ZFHX3: variants seen among roughly 807,000 people sequenced by gnomAD.
ZFHX3 encodes the protein zinc finger homeobox 3, also known as zinc finger homeobox protein 3.
In ZFHX3, 42 loss-of-function variants were observed where a neutral mutation model predicts 279.1. The ratio of observed to expected loss-of-function variants is 0.15; its 90% confidence interval spans 0.12 to 0.19. The LOEUF (loss-of-function observed/expected upper bound fraction) is 0.19. ZFHX3 is among the 10% of genes least tolerant of loss of function. The pLI is 1.00. For missense variants in ZFHX3, 4,981 were observed against 4,754.0 expected, an observed-to-expected ratio of 1.05 and a Z score of -1.40; for synonymous variants, 2,293 against 1,957.8, an observed-to-expected ratio of 1.17 and a Z score of -4.52.
intron 2 of ZFHX3, among the ~76,000 whole-genome samples, chr16:73,661,173 G>A (rs530544034): frequency 6.6e-6 from 1 of 152,304 alleles, no homozygotes; most frequent in Admixed American, 6.5e-5. Context: ...CCGGTTTCTT[G>A]TGTGAGTTCC....
intron 3 of ZFHX3, among the ~76,000 whole-genome samples, chr16:73,410,931 AGC>A (rs1454807455): frequency 3.3e-5 from 5 of 152,238 alleles, no homozygotes; most frequent in African/African-American, 1.2e-4. Context: ...GCAGAACTAC[AGC>A]CCAGCACCGA....
At chr16:73,581,238 A>G (rs1021616817) in intron 2 of ZFHX3, among the ~76,000 whole-genome samples, 2 of 151,912 alleles carry the variant, frequency 1.3e-5, no homozygotes, top group Admixed American at 6.6e-5. Flanking sequence ...ACCAACATAG[A>G]CAATAAACTA....
At chr16:73,785,651 C>A (rs1042642261) in intron 1 of ZFHX3, among the ~76,000 whole-genome samples, 1 of 152,074 alleles carries the variant, frequency 6.6e-6, no homozygotes, top group Admixed American at 6.6e-5. Flanking sequence ...TAAATCCTAC[C>A]CTCATGCTTA....
intron 2 of ZFHX3, 65 bp from the exon 3 acceptor site, chr16:72,951,030 A>AC (rs918097623): frequency 9.6e-6 from 15 of 1,558,992 alleles, no homozygotes; most frequent in Admixed American, 1.8e-5. Flanking sequence ...CAGCTGAGGC[A>AC]CCCCCCAGCC....
At chr16:72,910,634 G>T (rs930955907) in intron 3 of ZFHX3, among the ~76,000 whole-genome samples, 1 of 152,202 alleles carries the variant, frequency 6.6e-6, no homozygotes. Flanking sequence ...ATGGACACAG[G>T]AGAGAGATAA....
At position 73,793,837 on chromosome 16, in the gene ZFHX3, G is replaced by C. The variant is rs1024461149; in HGVS notation, c.-1608+97814C>G. Among the ~76,000 whole-genome samples, 14 of 152,196 alleles carry C rather than the reference G, an allele frequency of 9.2e-5. No individual in the cohort carries two copies. In the East Asian group the frequency reaches 2.7e-3, roughly 30 times the overall value. On this transcript the variant is annotated intron_variant, in intron 1 of 17. Coordinates refer to the ZFHX3 transcript ENST00000641206. ...GACGCTGGCATGTGCCTTTTGAAAG[G>C]GGATACTGTACCTTTAACCTTGACT...
At chr16:73,718,044 C>T (rs976508593) in intron 1 of ZFHX3, among the ~76,000 whole-genome samples, 1 of 152,160 alleles carries the variant, frequency 6.6e-6, no homozygotes, top group Non-Finnish European at 1.5e-5. Context: ...CAAACCCTAA[C>T]GTGTTATCTT....
At position 73,143,127 on chromosome 16, in the gene ZFHX3, C is replaced by G. The variant is rs980785454; in HGVS notation, c.-1024+625G>C. Among the ~76,000 whole-genome samples the G allele has an allele frequency of 4.0e-5, 6 of 151,896 alleles. No individual in the cohort carries two copies. In the East Asian group the frequency reaches 7.7e-4, roughly 20 times the overall value. ...GAGAATAAGCCAACCTTGTTTCCCC[C>G]CTTTCTTCTCTAGGATTGGTTTAAG... On this transcript the variant is annotated intron_variant, in intron 6 of 17. Coordinates refer to the ZFHX3 transcript ENST00000641206.
chr16:72,846,565 C>A (rs2037485791), intron 4 of ZFHX3, among the ~76,000 whole-genome samples: 2 of 152,238 alleles, frequency 1.3e-5, no homozygotes, highest in African/African-American at 4.8e-5. Flanking sequence ...GGTCCTGAGA[C>A]CCACCACTCC....
intron 2 of ZFHX3, among the ~76,000 whole-genome samples, chr16:73,646,015 C>T (rs1200875776): frequency 6.6e-6 from 1 of 151,996 alleles, no homozygotes; most frequent in Non-Finnish European, 1.5e-5. Context: ...GTCTGAAAAT[C>T]GATATAGCCT....
chr16:73,082,025 C>T lies in ZFHX3; in HGVS notation c.-533+11210G>A, dbSNP rs143283286. On this transcript the variant is annotated intron_variant, in intron 8 of 17. Transcript: ENST00000641206. ...CTAATTTTTATATTTTTACTAGAGA[C>T]GGGGTTTCACCATGTTGGCCGGGCT... 6.5e-3 allele frequency among the ~76,000 whole-genome samples: 992 copies of T among 151,902 alleles called. 9 individuals carry two copies. Among genetic ancestry groups the T allele is most frequent in the Non-Finnish European group, 7.3e-3 (499 of 67,928 alleles).
At chr16:73,252,803 T>C (rs1463310431) in intron 5 of ZFHX3, among the ~76,000 whole-genome samples, 1 of 152,096 alleles carries the variant, frequency 6.6e-6, no homozygotes, top group Non-Finnish European at 1.5e-5. Context: ...CCAATGTTCA[T>C]AGACCAACGG....
At chr16:73,426,680 CT>C (rs777195195) in intron 3 of ZFHX3, among the ~76,000 whole-genome samples, 4 of 152,096 alleles carry the variant, frequency 2.6e-5, no homozygotes, top group Non-Finnish European at 5.9e-5. Context: ...AATATGACGG[CT>C]GCATGAGCTG....
intron 1 of ZFHX3, among the ~76,000 whole-genome samples, chr16:73,030,296 G>A (rs1964650025): frequency 6.6e-6 from 1 of 152,186 alleles, no homozygotes; most frequent in Non-Finnish European, 1.5e-5. Context: ...ATAGCACGGA[G>A]ACAGATCCCA....
In ZFHX3 at chr16:73,404,593, T is replaced by C. The variant is rs180704493; in HGVS notation, c.-1291+51410A>G. Among the ~76,000 whole-genome samples, 49 of 152,368 alleles carry C rather than the reference T, an allele frequency of 3.2e-4. No homozygotes were observed. In the East Asian group the frequency reaches 7.5e-3, roughly 23 times the overall value. ...GCCATTATTGTTGTTGGTATCATTATTGTTAATAGATGCCATCTGTTGATA... is the reference window on the plus strand; with the variant it reads ...GCCATTATTGTTGTTGGTATCATTACTGTTAATAGATGCCATCTGTTGATA... On this transcript the variant is annotated intron_variant, in intron 3 of 17. Coordinates refer to the ZFHX3 transcript ENST00000641206.
chr16:73,424,258 A>G (rs2017770495), intron 3 of ZFHX3, among the ~76,000 whole-genome samples: 1 of 152,180 alleles, frequency 6.6e-6, no homozygotes, highest in Non-Finnish European at 1.5e-5. Context: ...CATTTGTAAA[A>G]CAGAGGTAAT....
rs1206765971 is a variant in ZFHX3 at position 72,928,227 on chromosome 16, G to GACAGCAA, written c.3216+22241_3216+22242insTTGCTGT. On this transcript the variant is annotated intron_variant, in intron 3 of 9. Coordinates refer to ENST00000268489, the MANE Select transcript of ZFHX3 (RefSeq NM_006885.4). ...GAGGGGGAGCGAAGGGGAGCGAGGG[G>GACAGCAA]GAGCGAGAGAGGAAAGGGCTTAAGG... is the stretch of plus-strand genomic sequence containing the variant. 7.8e-4 allele frequency among the ~76,000 whole-genome samples: 61 copies of GACAGCAA among 77,884 alleles called. 15 individuals are homozygous for GACAGCAA. Among genetic ancestry groups the GACAGCAA allele is most frequent in the African/African-American group, 3.2e-3 (60 of 19,022 alleles). 51.1% of individuals were successfully genotyped at this position (77,884 alleles called of 152,430 possible).
chr16:73,235,237 T>C (rs2012906604), intron 5 of ZFHX3, among the ~76,000 whole-genome samples: 3 of 151,850 alleles, frequency 2.0e-5, no homozygotes, highest in Non-Finnish European at 2.9e-5. Context: ...GCCTGGCAAA[T>C]CTTTTGTATT....
chr16:73,461,355 T>C (rs1298579728), intron 2 of ZFHX3, among the ~76,000 whole-genome samples: 1 of 152,242 alleles, frequency 6.6e-6, no homozygotes, highest in Non-Finnish European at 1.5e-5. Context: ...CTATAGCTTA[T>C]CTTTTTGTTT....
Sources: gnomAD v4.1 joint callset for allele counts (sites outside exome capture counted in the v4.1 genomes callset) on GRCh38, gnomAD v4.1.1 for gene constraint, MANE v1.5 for transcripts, NCBI Gene and HGNC (gene_info 2026-07-23, HGNC 2026-07-21) for gene names.